Variants in SSBP3 observed in about 807,000 individuals in gnomAD.
SSBP3 encodes the protein single stranded DNA binding protein 3.
Under a neutral mutation model 69.6 loss-of-function variants are expected in SSBP3, and 5 were observed. The observed-to-expected ratio is 0.07, with a 90% CI of 0.04 to 0.15. The LOEUF is 0.15. SSBP3 is among the 10% of genes least tolerant of loss of function. The probability of loss-of-function intolerance (pLI) is 1.00; values close to 1 mark genes in which losing one functional copy is unlikely to be tolerated. For synonymous variants in SSBP3, 196 were observed against 193.4 expected (o/e 1.01, Z -0.11); for missense variants, 312 against 534.0 (o/e 0.58, Z 4.10).
intron 5 of SSBP3, among the ~76,000 whole-genome samples, chr1:54,263,405 C>G (rs1282815091): frequency 6.6e-6 from 1 of 152,164 alleles, no homozygotes; most frequent in Non-Finnish European, 1.5e-5. Context: ...CCGGTTCATT[C>G]GGAGTCCAGT....
At chr1:54,240,748 G>A (rs1324261062) in intron 13 of SSBP3, among the ~76,000 whole-genome samples, 157 bp downstream of exon 13, 2 of 152,102 alleles carry the variant, frequency 1.3e-5, no homozygotes, top group Non-Finnish European at 2.9e-5. Context: ...TGTCATCAAG[G>A]GACCCCCTGC....
intron 5 of SSBP3, among the ~76,000 whole-genome samples, chr1:54,279,711 G>A (rs1042757990): frequency 2.6e-5 from 4 of 152,214 alleles, no homozygotes; most frequent in African/African-American, 2.4e-5. Flanking sequence ...GGAAAGGCCC[G>A]CTGATGGGTG....
chr1:54,274,951 GCCT>G (rs1265784217), intron 5 of SSBP3, among the ~76,000 whole-genome samples: 1 of 151,168 alleles, frequency 6.6e-6, no homozygotes, highest in Non-Finnish European at 1.5e-5. Flanking sequence ...ACTGCCAATT[GCCT>G]CCTCCTCCTC....
At chr1:54,386,087 A>T (rs1399173278) in intron 4 of SSBP3, among the ~76,000 whole-genome samples, 2 of 152,226 alleles carry the variant, frequency 1.3e-5, no homozygotes, top group Non-Finnish European at 2.9e-5. Flanking sequence ...AACCATCCAG[A>T]AAGTAGAGAC....
intron 4 of SSBP3, among the ~76,000 whole-genome samples, chr1:54,387,831 C>G (rs981719944): frequency 6.6e-6 from 1 of 152,168 alleles, no homozygotes; most frequent in Non-Finnish European, 1.5e-5. Flanking sequence ...CTATCAATAT[C>G]CTCAGACACA....
At chr1:54,391,749 A>G (rs1157641404) in intron 4 of SSBP3, among the ~76,000 whole-genome samples, 1 of 152,232 alleles carries the variant, frequency 6.6e-6, no homozygotes, top group East Asian at 1.9e-4. Flanking sequence ...AGCTGTCACC[A>G]GGAGGGGACA....
In SSBP3 at chr1:54,327,356, A is replaced by G. The variant is rs145183908; in HGVS notation, c.277-45829T>C. On this transcript the variant is annotated intron_variant, in intron 4 of 17. Coordinates refer to ENST00000610401, the Ensembl canonical transcript of SSBP3. ...AGTTCTCCATCTGCTTTTGTTTTCC[A>G]TCACGTTCCTTTCAAGGCCTGGGAT... Among the ~76,000 whole-genome samples, 936 of 152,218 alleles carry G rather than the reference A, an allele frequency of 6.1e-3. 12 individuals carry two copies. Among genetic ancestry groups the G allele is most frequent in the African/African-American group, 0.021 (877 of 41,528 alleles).
intron 4 of SSBP3, among the ~76,000 whole-genome samples, chr1:54,353,697 C>A (rs963230294): frequency 6.6e-6 from 1 of 152,212 alleles, no homozygotes; most frequent in Non-Finnish European, 1.5e-5. Context: ...CCATCCTACT[C>A]ATGCTGCAGC....
Position 54,337,485 on chromosome 1 carries a change from C to CTTTTTTTTTTTT in SSBP3, c.277-55970_277-55959dup, listed in dbSNP as rs869039822. ...ACCAAAGCATTTTGTTTTCCTCAAG[C>CTTTTTTTTTTTT]TTTTTTTTTTTTTTTTTTTTTTTTT... On this transcript the variant is annotated intron_variant, in intron 4 of 17. Transcript: ENST00000610401. 3.2e-3 allele frequency among the ~76,000 whole-genome samples: 165 copies of CTTTTTTTTTTTT among 51,170 alleles called. 23 individuals are homozygous for CTTTTTTTTTTTT. The highest frequency in any genetic ancestry group is 9.8e-3 in the African/African-American group (100 of 10,180). The allele number at this position is 51,170 out of a possible 152,430, so 33.6% of individuals were successfully genotyped here. A position where few individuals can be genotyped will look rare whatever the true frequency, so the allele number is the denominator to read the frequency against.
upstream of SSBP3, among the ~76,000 whole-genome samples, chr1:54,407,426 C>T (rs1435360213): frequency 6.6e-6 from 1 of 151,654 alleles, no homozygotes; most frequent in African/African-American, 2.4e-5. Context: ...TTGTCAGTGA[C>T]CCAGGTGTAC....
chr1:54,391,724 G>T (rs1196362726), intron 4 of SSBP3, among the ~76,000 whole-genome samples: 2 of 152,250 alleles, frequency 1.3e-5, no homozygotes, highest in Non-Finnish European at 1.5e-5. Flanking sequence ...AACCTGCCCT[G>T]GAAGCTGTGC....
chr1:54,247,397 G>A (rs114263617), intron 9 of SSBP3, among the ~76,000 whole-genome samples: 2,152 of 152,342 alleles, frequency 0.014, 45 homozygotes, highest in African/African-American at 0.048. Flanking sequence ...GGCAGCAGGG[G>A]CCTGGCCATC....
In SSBP3 at chr1:54,274,710, G is replaced by A. The variant is rs562482256; in HGVS notation, c.366+6728C>T. Among the ~76,000 whole-genome samples, 25 of 152,308 alleles carry A rather than the reference G, an allele frequency of 1.6e-4. No individual in the cohort carries two copies. In the South Asian group the frequency reaches 2.9e-3, roughly 18 times the overall value. ...CCGCAGCTGGACTCCACACTGGCCA[G>A]CCGGCCAAGGGCCCAGCCCCTCCAG... On this transcript the variant is annotated intron_variant, in intron 5 of 17. Transcript: ENST00000610401.
At chr1:54,391,440 C>T (rs1026610244) in intron 4 of SSBP3, among the ~76,000 whole-genome samples, 2 of 152,228 alleles carry the variant, frequency 1.3e-5, no homozygotes, top group Non-Finnish European at 2.9e-5. Context: ...GCCCACCAAC[C>T]ATCTGCCATT....
At chr1:54,342,991 C>T (rs1437718520) in intron 4 of SSBP3, among the ~76,000 whole-genome samples, 1 of 152,146 alleles carries the variant, frequency 6.6e-6, no homozygotes, top group African/African-American at 2.4e-5. Context: ...TAGCAAAACA[C>T]GCCAGCCGGG....
chr1:54,338,149 A>G (rs1646543127), intron 4 of SSBP3, among the ~76,000 whole-genome samples: 1 of 152,204 alleles, frequency 6.6e-6, no homozygotes. Context: ...CTGCTCCAGG[A>G]AGTTGCCTGT....
chr1:54,277,966 C>T (rs552745256), intron 5 of SSBP3, among the ~76,000 whole-genome samples: 1 of 152,276 alleles, frequency 6.6e-6, no homozygotes, highest in Admixed American at 6.5e-5. Context: ...TATGTAAAAT[C>T]CATCTGGATC....
chr1:54,358,698 G>A (rs897450713), intron 4 of SSBP3, among the ~76,000 whole-genome samples: 2 of 152,154 alleles, frequency 1.3e-5, no homozygotes, highest in African/African-American at 2.4e-5. Flanking sequence ...AGCGCTGTGG[G>A]GACGATGGAT....
chr1:54,265,321 T>C (rs1054769663), intron 5 of SSBP3, among the ~76,000 whole-genome samples: 3 of 151,998 alleles, frequency 2.0e-5, no homozygotes, highest in Non-Finnish European at 4.4e-5. Context: ...GGTGTGTGTG[T>C]GTTATGTAGG....
Sources: gnomAD v4.1 joint callset for allele counts (sites outside exome capture counted in the v4.1 genomes callset) on GRCh38, gnomAD v4.1.1 for gene constraint, MANE v1.5 for transcripts, NCBI Gene and HGNC (gene_info 2026-07-23, HGNC 2026-07-21) for gene names.